LIFR: variants seen among roughly 807,000 people sequenced by gnomAD.
The protein encoded by LIFR is leukemia inhibitory factor receptor.
A neutral mutation model predicts 122.2 loss-of-function variants in LIFR; 84 were observed. The observed-to-expected ratio is 0.69, with a 90% CI of 0.58 to 0.82. The LOEUF is 0.82. Among genes scored for constraint, LIFR ranks in the 40% least tolerant of loss-of-function variants. LIFR has a pLI of 0.00. For synonymous variants in LIFR, 422 were observed against 434.7 expected, an observed-to-expected ratio of 0.97 and a Z score of 0.36; for missense variants, 1,294 against 1,311.6, an observed-to-expected ratio of 0.99 and a Z score of 0.21.
In LIFR at chr5:38,569,084, A is replaced by C. The variant is rs113461607; in HGVS notation, c.-20+26177T>G. 5.9e-3 allele frequency among the ~76,000 whole-genome samples: 905 copies of C among 152,316 alleles called. 4 individuals are homozygous for C. Among genetic ancestry groups the C allele is most frequent in the African/African-American group, 0.02 (827 of 41,570 alleles). On this transcript the variant is annotated intron_variant, in intron 1 of 19. Transcript: ENST00000263409. ...TCCCAGTGACTTGGATAATCTGATC[A>C]TTATTACTGAAGGGGAGGTCTGGGC... is the stretch of plus-strand genomic sequence containing the variant.
At chr5:38,482,689 A>G in intron 18 of LIFR, 22 bp from the exon 19 acceptor site, 1 of 998,294 alleles carries the variant, frequency 1.0e-6, no homozygotes, top group Non-Finnish European at 1.5e-6. Flanking sequence ...AAATTATTAC[A>G]GTAAATTTAA....
At chr5:38,578,662 A>AT (rs897028090) in intron 1 of LIFR, among the ~76,000 whole-genome samples, 32 of 149,268 alleles carry the variant, frequency 2.1e-4, no homozygotes, top group Admixed American at 9.3e-4. Context: ...AGTGATTCTC[A>AT]TGTCTCAGCC....
intron 13 of LIFR, 56 bp downstream of exon 13, chr5:38,496,326 G>T: frequency 1.5e-6 from 2 of 1,330,726 alleles, no homozygotes; most frequent in South Asian, 1.2e-5. Context: ...AGTAACATCA[G>T]ACATTTCTCA....
chr5:38,557,918 G>C (rs1748670506), upstream of LIFR: 1 of 152,004 alleles, frequency 6.6e-6, no homozygotes, highest in African/African-American at 2.4e-5. Flanking sequence ...TCTATTATAA[G>C]TACTCGAAAC....
Position 38,481,788 on chromosome 5 carries a change from A to T in LIFR, c.3101T>A (p.Val1034Glu). 2 of 1,614,112 alleles carry T rather than the reference A, an allele frequency of 1.2e-6. No homozygotes were observed. Among genetic ancestry groups the T allele is most frequent in the Non-Finnish European group, 1.7e-6 (2 of 1,180,004 alleles). Reference sequence around the variant, plus strand: ...TGGAGACACTAAATTCCATGTATTTACATTGGCCTGAGGTCTGTAACCCGC... The same window carrying T: ...TGGAGACACTAAATTCCATGTATTTTCATTGGCCTGAGGTCTGTAACCCGC... ...KTAGYRPQANVNTWNLVSPDS... is the reference protein window; with the variant it reads ...KTAGYRPQANENTWNLVSPDS... The change falls in exon 20 of 20, where the codon GTA becomes GAA. Residue 1034 changes from valine (V) to glutamate (E), a missense_variant. Transcript: ENST00000453190.
chr5:38,593,571 G>C (rs921110584), intron 1 of LIFR, among the ~76,000 whole-genome samples: 1 of 152,166 alleles, frequency 6.6e-6, no homozygotes, highest in Non-Finnish European at 1.5e-5. Context: ...CATCAGAGAA[G>C]AGGAGGGGGA....
intron 1 of LIFR, among the ~76,000 whole-genome samples, chr5:38,535,806 T>C (rs1272477297): frequency 6.6e-6 from 1 of 152,206 alleles, no homozygotes; most frequent in East Asian, 1.9e-4. Context: ...CAGTATACTT[T>C]CATTGTTAGG....
At position 38,527,247 on chromosome 5, in the gene LIFR, G is replaced by C; in HGVS notation, c.305C>G (p.Ala102Gly). Residue 102 changes from alanine (A) to glycine (G), a missense_variant, in exon 4 of 20, where the codon GCT becomes GGT. Coordinates refer to ENST00000453190, the MANE Select transcript of LIFR (RefSeq NM_001127671.2). ...QLEKTSIKIP[A>G]LSHGDYEITI... Reference sequence around the variant, plus strand: ...TATTTCATAATCACCATGTGAAAGAGCTGGAATTTTAATACTGGTTTTCTC... The same window carrying C: ...TATTTCATAATCACCATGTGAAAGACCTGGAATTTTAATACTGGTTTTCTC... The C allele has an allele frequency of 1.2e-6, 2 of 1,600,606 alleles. No homozygotes were observed. Among genetic ancestry groups the C allele is most frequent in the Non-Finnish European group, 1.7e-6 (2 of 1,168,298 alleles).
At chr5:38,521,597 C>T (rs183971055) in intron 5 of LIFR, among the ~76,000 whole-genome samples, 32 of 152,286 alleles carry the variant, frequency 2.1e-4, no homozygotes, top group South Asian at 4.1e-4. Context: ...AATTCTTGAG[C>T]GTCCAGGTGG....
At chr5:38,490,149 G>A in intron 15 of LIFR, 41 bp downstream of exon 15, 1 of 820,762 alleles carries the variant, frequency 1.2e-6, no homozygotes, top group South Asian at 1.8e-5. Context: ...AATTTCTCAT[G>A]TTGCCTTGAG....
intron 1 of LIFR, among the ~76,000 whole-genome samples, chr5:38,569,096 G>A (rs1749122501): frequency 6.6e-6 from 1 of 152,214 alleles, no homozygotes; most frequent in South Asian, 2.1e-4. Context: ...TATTACTGAA[G>A]GGGAGGTCTG....
Position 38,485,881 on chromosome 5 carries a change from C to T in LIFR, c.2435G>A (p.Arg812Gln), listed in dbSNP as rs143995164. Residue 812 changes from arginine (R) to glutamine (Q), a missense_variant, in exon 17 of 20, where the codon CGA (arginine) becomes CAA (glutamine). Arg to Gln is a conservative substitution (Grantham distance 43). Coordinates refer to ENST00000453190, the MANE Select transcript of LIFR (RefSeq NM_001127671.2). ...GCCCACTCCACCATCTGTATAGGCTCGCAAGACCAGGTGGTAACTTGTTTT... is the reference window on the plus strand; with the variant it reads ...GCCCACTCCACCATCTGTATAGGCTTGCAAGACCAGGTGGTAACTTGTTTT... ...QGKTSYHLVL[R>Q]AYTDGGVGPE... 48 of 1,614,154 alleles carry T rather than the reference C, an allele frequency of 3.0e-5. No individual in the cohort carries two copies. Among genetic ancestry groups the T allele is most frequent in the Middle Eastern group, 1.6e-4 (1 of 6,062 alleles).
chr5:38,498,497 T>C (rs963951184), intron 12 of LIFR, among the ~76,000 whole-genome samples: 2 of 152,152 alleles, frequency 1.3e-5, no homozygotes, highest in Admixed American at 1.3e-4. Context: ...TACTGAACTC[T>C]ACTCATGATA....
upstream of LIFR, among the ~76,000 whole-genome samples, chr5:38,597,628 C>G (rs1750132988): frequency 6.6e-6 from 1 of 152,186 alleles, no homozygotes; most frequent in Non-Finnish European, 1.5e-5. Flanking sequence ...GGATGCTGCT[C>G]AGTATCCTAC....
intron 5 of LIFR, among the ~76,000 whole-genome samples, chr5:38,522,687 C>A (rs1477885011): frequency 6.6e-6 from 1 of 152,144 alleles, no homozygotes; most frequent in East Asian, 1.9e-4. Context: ...GAATGAAATA[C>A]ATGGGTTGTC....
intron 4 of LIFR, among the ~76,000 whole-genome samples, chr5:38,524,862 C>G (rs544390151): frequency 6.6e-6 from 1 of 152,268 alleles, no homozygotes; most frequent in African/African-American, 2.4e-5. Context: ...ATCCTAGAAG[C>G]AGAAGGAAAC....
chr5:38,598,240 TA>T (rs1561235511), upstream of LIFR, among the ~76,000 whole-genome samples: 783 of 32,706 alleles, frequency 0.024, 25 homozygotes, highest in African/African-American at 0.069. Flanking sequence ...TTTATTTATT[TA>T]TTTATTTTTT....
In LIFR at chr5:38,572,932, A is replaced by G. The variant is rs189162661; in HGVS notation, c.-20+22329T>C. On this transcript the variant is annotated intron_variant, in intron 1 of 19. Coordinates refer to the LIFR transcript ENST00000263409. ...CTACGAAACAGTTCAAACTGTGTGC[A>G]TGGTCTATATAACCTGCAAGATGTG... Among the ~76,000 whole-genome samples, 95 of 152,330 alleles carry G rather than the reference A, an allele frequency of 6.2e-4. 1 individual carries two copies. In the South Asian group the frequency reaches 0.018, roughly 29 times the overall value.
Position 38,605,615 on chromosome 5 carries a change from C to T in LIFR, n.305+590G>A, listed in dbSNP as rs978401187. On this transcript the variant is annotated intron_variant and non_coding_transcript_variant, in intron 2 of 3. Transcript: ENST00000507786. Reference sequence around the variant, plus strand: ...AACTGCTTAGAGCAAACCTGCCTCTCGTTCTATTCCTAAAAAAAGATACCT... The same window carrying T: ...AACTGCTTAGAGCAAACCTGCCTCTTGTTCTATTCCTAAAAAAAGATACCT... 9.2e-5 allele frequency among the ~76,000 whole-genome samples: 14 copies of T among 152,124 alleles called. No homozygotes were observed. In the East Asian group the frequency reaches 1.7e-3, roughly 19 times the overall value.
Sources: allele counts gnomAD v4.1 joint callset (sites outside exome capture counted in the v4.1 genomes callset), GRCh38; gene constraint gnomAD v4.1.1; transcripts MANE v1.5; gene names NCBI Gene and HGNC (gene_info 2026-07-23, HGNC 2026-07-21).